Variants in DNAI4 observed in about 807,000 individuals in gnomAD.
DNAI4 encodes the protein dynein axonemal intermediate chain 4.
In DNAI4, 85 loss-of-function variants were observed where a neutral mutation model predicts 105.8. The ratio of observed to expected loss-of-function variants is 0.80; its 90% CI spans 0.67 to 0.96. The LOEUF is 0.96. Among genes scored for constraint, DNAI4 ranks in the 40% least tolerant of loss-of-function variants. The probability of loss-of-function intolerance (pLI) is 0.00; values close to 1 mark genes in which losing one functional copy is unlikely to be tolerated. For synonymous variants in DNAI4, 352 were observed against 331.5 expected (o/e 1.06, Z -0.67); for missense variants, 1,014 against 1,005.6 (o/e 1.01, Z -0.11).
chr1:66,893,063 G>GAGAGAGAA (rs879150798), intron 3 of DNAI4, among the ~76,000 whole-genome samples, 166 bp downstream of exon 3: 70 of 89,546 alleles, frequency 7.8e-4, no homozygotes, highest in South Asian at 2.9e-3. Flanking sequence ...AAGAGAGAGA[G>GAGAGAGAA]AGAAAGAAAG....
Position 66,814,238 on chromosome 1 carries a change from T to G in DNAI4, c.2497-58A>C, listed in dbSNP as rs1645466587. 4.4e-6 allele frequency: 6 copies of G among 1,366,196 alleles called. No individual in the cohort carries two copies. In the East Asian group the frequency reaches 1.4e-4, roughly 31 times the overall value. The allele number at this position is 1,366,196 out of a possible 1,614,324, so 84.6% of individuals were successfully genotyped here. ...ATAAAATGCAAATTAAAAGGTAAAG[T>G]AGTCTTTAAAATGCCATTTAAAATT... is the stretch of plus-strand genomic sequence containing the variant. On this transcript the variant is annotated intron_variant, in intron 16 of 16. Coordinates refer to ENST00000371026, the MANE Select transcript of DNAI4 (RefSeq NM_024763.5).
chr1:66,850,395 T>C (rs999775075), intron 7 of DNAI4, among the ~76,000 whole-genome samples: 1 of 151,646 alleles, frequency 6.6e-6, no homozygotes, highest in Non-Finnish European at 1.5e-5. Flanking sequence ...TAAGATGTAG[T>C]ATTCTCAGAT....
chr1:66,886,318 T>C (rs149836325), intron 4 of DNAI4, among the ~76,000 whole-genome samples: 1 of 152,368 alleles, frequency 6.6e-6, no homozygotes, highest in African/African-American at 2.4e-5. Flanking sequence ...TTTAAATTTG[T>C]ATCATAACAG....
At chr1:66,856,782 C>T (rs758855554) in intron 7 of DNAI4, among the ~76,000 whole-genome samples, 1 of 151,738 alleles carries the variant, frequency 6.6e-6, no homozygotes, top group East Asian at 1.9e-4. Context: ...ATATTTTGAA[C>T]TAAATGAAAA....
intron 15 of DNAI4, among the ~76,000 whole-genome samples, chr1:66,825,591 C>A (rs1363507423): frequency 6.6e-6 from 1 of 152,202 alleles, no homozygotes; most frequent in Non-Finnish European, 1.5e-5. Flanking sequence ...AAGCAATCTA[C>A]CTAGTGTCCT....
chr1:66,909,779 A>G (rs1569872556), intron 1 of DNAI4, among the ~76,000 whole-genome samples: 1 of 151,602 alleles, frequency 6.6e-6, no homozygotes, highest in Non-Finnish European at 1.5e-5. Context: ...CACCACCACC[A>G]CATCACCCTC....
rs754850448 is a variant in DNAI4 at position 66,862,222 on chromosome 1, C to T, written c.1021G>A (p.Val341Ile). The T allele has an allele frequency of 6.2e-7, 1 of 1,610,130 alleles. No individual in the cohort carries two copies. The highest frequency in any genetic ancestry group is 1.1e-5 in the South Asian group (1 of 90,004). The stretch of plus-strand genomic sequence containing the variant: ...ACATTTGCTTTACTACTTGACTCAA[C>T]CACAGATTGTTTTACTGATAAAGAT... ...LVSLSVKQSV[V>I]ESSSKANVLP... The change falls in exon 7 of 17, where the codon GTT becomes ATT. Residue 341 changes from valine (V) to isoleucine (I), a missense_variant. Val to Ile is a conservative substitution (Grantham distance 29). Coordinates refer to ENST00000371026, the MANE Select transcript of DNAI4 (RefSeq NM_024763.5).
Position 66,871,395 on chromosome 1 carries a change from A to C in DNAI4, c.915T>G (p.Cys305Trp), listed in dbSNP as rs766579231. 6.2e-7 allele frequency: 1 copy of C among 1,609,710 alleles called. No individual in the cohort carries two copies. The highest frequency in any genetic ancestry group is 1.3e-5 in the African/African-American group (1 of 74,978). The change falls in exon 6 of 17, where the codon TGT becomes TGG. Residue 305 changes from cysteine to tryptophan, a missense_variant. Transcript: ENST00000371026. ...NGAPKNKDVQ[C>W]DKIIMEDKGI... ...CTTTATCTTCCATTATGATTTTATCACATTGAACATCTTTATTCTTTGGTG... is the reference window on the plus strand; with the variant it reads ...CTTTATCTTCCATTATGATTTTATCCCATTGAACATCTTTATTCTTTGGTG...
At chr1:66,866,430 T>G (rs977710615) in intron 6 of DNAI4, among the ~76,000 whole-genome samples, 1 of 152,188 alleles carries the variant, frequency 6.6e-6, no homozygotes, top group Admixed American at 6.6e-5. Context: ...AGCAAGCATC[T>G]AGGTTATGGT....
intron 1 of DNAI4, among the ~76,000 whole-genome samples, chr1:66,921,895 A>AT (rs71058482): frequency 9.6e-4 from 119 of 124,482 alleles, no homozygotes; most frequent in Non-Finnish European, 1.3e-3. Flanking sequence ...ACTTGTAGAA[A>AT]TTTTTTTTTT....
Position 66,837,719 on chromosome 1 carries a change from C to T in DNAI4, c.1572G>A (p.Lys524=). The part of the protein sequence containing the change: ...KRGLACCWSI[K]NPMWPERIYQ... ...TTCTTGTTTGGGTTACCATGGGATTCTTTATTGACCAGCAGCAAGCCAGTC... is the reference window on the plus strand; with the variant it reads ...TTCTTGTTTGGGTTACCATGGGATTTTTTATTGACCAGCAGCAAGCCAGTC... Residue 524 remains lysine, a synonymous_variant, in exon 10 of 17, where the codon AAG becomes AAA. Transcript: ENST00000371026. 6.2e-7 allele frequency: 1 copy of T among 1,608,586 alleles called. No individual in the cohort carries two copies.
chr1:66,892,773 G>C (rs912217912), intron 3 of DNAI4, among the ~76,000 whole-genome samples: 1 of 150,248 alleles, frequency 6.7e-6, no homozygotes, highest in Non-Finnish European at 1.5e-5. Context: ...CAGGTGTAGT[G>C]GGGGGGCGCC....
chr1:66,887,091 T>G (rs1371533787), intron 4 of DNAI4, among the ~76,000 whole-genome samples: 1 of 151,940 alleles, frequency 6.6e-6, no homozygotes, highest in Non-Finnish European at 1.5e-5. Context: ...ACTGAAAGAA[T>G]CCACTGGATT....
In DNAI4 at chr1:66,877,001, T is replaced by A. The variant is rs764244602; in HGVS notation, c.644-2064A>T. ...AAATGTGAGGGTTTAACAGGGGACT[T>A]TTATCCATAATGTGATATTTTGGCT... is the stretch of plus-strand genomic sequence containing the variant. On this transcript the variant is annotated intron_variant, in intron 4 of 16. Transcript: ENST00000371026. Among the ~76,000 whole-genome samples the A allele has an allele frequency of 2.6e-5, 4 of 152,146 alleles. No individual in the cohort carries two copies. In the East Asian group the frequency reaches 7.7e-4, roughly 29 times the overall value.
At chr1:66,837,257 G>A (rs532021567) in intron 10 of DNAI4, among the ~76,000 whole-genome samples, 5 of 151,104 alleles carry the variant, frequency 3.3e-5, no homozygotes, top group African/African-American at 1.2e-4. Context: ...CCAGCTACTC[G>A]GGAGGCTGAG....
At chr1:66,857,157 T>G (rs1402175432) in intron 7 of DNAI4, among the ~76,000 whole-genome samples, 1 of 151,890 alleles carries the variant, frequency 6.6e-6, no homozygotes, top group Non-Finnish European at 1.5e-5. Flanking sequence ...ACTGATTCCA[T>G]GGACCTAAGA....
At position 66,854,313 on chromosome 1, in the gene DNAI4, C is replaced by T. The variant is rs566423135; in HGVS notation, c.1097-6635G>A. Among the ~76,000 whole-genome samples, 5 of 152,154 alleles carry T rather than the reference C, an allele frequency of 3.3e-5. No individual in the cohort carries two copies. In the South Asian group the frequency reaches 1.0e-3, roughly 32 times the overall value. On this transcript the variant is annotated intron_variant, in intron 7 of 16. Transcript: ENST00000371026. ...GGCTGAGGTGGGAGAATTGCTTGAG[C>T]CTGGGAGGTTGAGGTTGCAGTGAGC...
chr1:66,891,820 AC>A (rs1245641609), intron 3 of DNAI4, among the ~76,000 whole-genome samples: 1 of 152,230 alleles, frequency 6.6e-6, no homozygotes, highest in Non-Finnish European at 1.5e-5. Flanking sequence ...TCGGTGAATT[AC>A]CAATACATTT....
chr1:66,871,555 C>A, intron 5 of DNAI4, 46 bp from the exon 6 acceptor site: 1 of 1,480,572 alleles, frequency 6.8e-7, no homozygotes, highest in Non-Finnish European at 9.1e-7. Flanking sequence ...GAATCATCAC[C>A]ACACGTATTA....
Sources: gnomAD v4.1 joint callset for allele counts (sites outside exome capture counted in the v4.1 genomes callset) on GRCh38, gnomAD v4.1.1 for gene constraint, MANE v1.5 for transcripts, NCBI Gene and HGNC (gene_info 2026-07-23, HGNC 2026-07-21) for gene names.